Variants in CEP126 observed in about 807,000 individuals in gnomAD.
The protein encoded by CEP126 is centrosomal protein 126.
A neutral mutation model predicts 107.8 loss-of-function variants in CEP126; 74 were observed. That is an observed-to-expected ratio of 0.69 (90% CI 0.57 to 0.83). The LOEUF (loss-of-function observed/expected upper bound fraction) is 0.83, where lower values mean the gene tolerates loss of function less well. Ranked by LOEUF, CEP126 falls within the 40% of genes least tolerant of loss-of-function variation. CEP126 has a pLI of 0.00. For missense variants in CEP126, 1,237 were observed against 1,281.9 expected (o/e 0.96, Z 0.53); for synonymous variants, 449 against 446.0 (o/e 1.01, Z -0.08).
chr11:101,991,135 A>G (rs1302792545), intron 9 of CEP126, among the ~76,000 whole-genome samples: 2 of 152,106 alleles, frequency 1.3e-5, no homozygotes, highest in Admixed American at 6.5e-5. Context: ...CATGATCATA[A>G]CACTGCACTC....
chr11:101,947,884 A>G, intron 3 of CEP126, 147 bp from the exon 4 acceptor site: 1 of 371,952 alleles, frequency 2.7e-6, no homozygotes, highest in Non-Finnish European at 4.8e-6. Flanking sequence ...GAATGTCAAA[A>G]TTTAAAGTAT....
At chr11:101,984,877 TCAAAATGTA>T (rs1941298092) in intron 8 of CEP126, among the ~76,000 whole-genome samples, 3 of 152,194 alleles carry the variant, frequency 2.0e-5, no homozygotes, top group Admixed American at 2.0e-4. Flanking sequence ...AACCATCTGG[TCAAAATGTA>T]ACATAATACC....
intron 5 of CEP126, among the ~76,000 whole-genome samples, chr11:101,958,794 T>C (rs562293467): frequency 6.6e-6 from 1 of 152,330 alleles, no homozygotes; most frequent in South Asian, 2.1e-4. Context: ...ATTATGCACA[T>C]TTATGAGATT....
At chr11:101,970,844 C>T (rs970755454) in intron 6 of CEP126, among the ~76,000 whole-genome samples, 28 of 152,058 alleles carry the variant, frequency 1.8e-4, no homozygotes, top group Non-Finnish European at 4.0e-4. Flanking sequence ...TTCTTACGCC[C>T]ATTTTATAGA....
In CEP126 at chr11:101,917,351, C is replaced by T. The variant is rs1940239103; in HGVS notation, c.128+1939C>T. 2.6e-5 allele frequency among the ~76,000 whole-genome samples: 4 copies of T among 151,868 alleles called. No homozygotes were observed. In the South Asian group the frequency reaches 6.2e-4, roughly 24 times the overall value. Reference sequence around the variant, plus strand: ...ACTAAATGAAAAAAAGGAAAGAAAGCAAATGAAAGGACCACAGCCTTAAAA... The same window carrying T: ...ACTAAATGAAAAAAAGGAAAGAAAGTAAATGAAAGGACCACAGCCTTAAAA... On this transcript the variant is annotated intron_variant, in intron 1 of 10. Transcript: ENST00000263468.
intron 6 of CEP126, among the ~76,000 whole-genome samples, chr11:101,977,888 C>T (rs913730253): frequency 6.6e-6 from 1 of 152,094 alleles, no homozygotes; most frequent in African/African-American, 2.4e-5. Flanking sequence ...CAACCTCTCA[C>T]GCTTGGAATT....
At chr11:101,984,883 T>C (rs1162937203) in intron 8 of CEP126, among the ~76,000 whole-genome samples, 1 of 152,198 alleles carries the variant, frequency 6.6e-6, no homozygotes, top group Non-Finnish European at 1.5e-5. Flanking sequence ...CTGGTCAAAA[T>C]GTAACATAAT....
chr11:101,929,667 C>T (rs1382971510), intron 2 of CEP126, among the ~76,000 whole-genome samples: 2 of 152,126 alleles, frequency 1.3e-5, no homozygotes, highest in African/African-American at 2.4e-5. Flanking sequence ...TCCAGACTCA[C>T]GACATAGTCT....
At chr11:101,955,674 T>A (rs1940876432) in intron 4 of CEP126, 1 of 357,746 alleles carries the variant, frequency 2.8e-6, no homozygotes, top group African/African-American at 2.1e-5. Flanking sequence ...ACATGGACCC[T>A]ATGGACAAGA....
At chr11:101,972,773 C>G (rs1401996258) in intron 6 of CEP126, among the ~76,000 whole-genome samples, 1 of 152,154 alleles carries the variant, frequency 6.6e-6, no homozygotes, top group African/African-American at 2.4e-5. Flanking sequence ...TGCACTCCAG[C>G]CTGGGCGACA....
chr11:101,970,431 G>A (rs912713152), intron 6 of CEP126, among the ~76,000 whole-genome samples: 3 of 152,114 alleles, frequency 2.0e-5, no homozygotes, highest in African/African-American at 7.2e-5. Context: ...AATGAGGGGA[G>A]CATTTTTGGT....
At chr11:101,938,176 A>C (rs1350454840) in intron 2 of CEP126, among the ~76,000 whole-genome samples, 3 of 132,648 alleles carry the variant, frequency 2.3e-5, no homozygotes, top group Non-Finnish European at 4.9e-5. Context: ...AAAAAAAAAA[A>C]TACAAGAAAT....
intron 3 of CEP126, among the ~76,000 whole-genome samples, chr11:101,946,168 G>C (rs1192180414): frequency 6.6e-6 from 1 of 151,500 alleles, no homozygotes; most frequent in Non-Finnish European, 1.5e-5. Context: ...ATGGAGTCTT[G>C]CTCTTCTTCG....
At chr11:101,987,567 A>G (rs1322524845) in intron 9 of CEP126, among the ~76,000 whole-genome samples, 4 of 152,030 alleles carry the variant, frequency 2.6e-5, no homozygotes, top group African/African-American at 9.7e-5. Flanking sequence ...GAGTAGTCTC[A>G]CAGAAGATCT....
chr11:101,958,362 T>C lies in CEP126; in HGVS notation c.701T>C (p.Leu234Ser), dbSNP rs926702592. 3 of 1,612,344 alleles carry C rather than the reference T, an allele frequency of 1.9e-6. No homozygotes were observed. The African/African-American group carries it at 4.0e-5, about 22-fold the overall frequency. Residue 234 changes from leucine (L) to serine (S), a missense_variant, in exon 5 of 11, where the codon TTG (leucine) becomes TCG (serine). This residue lies in a region of CEP126 where 1,134 missense variants were observed against 1,150.5 expected (regional missense o/e 0.99). Transcript: ENST00000263468. Reference sequence around the variant, plus strand: ...CTCGAAGATCAACATCTAAGCAATTTGCAAGTATGAAACTATAAAAATGTT... The same window carrying C: ...CTCGAAGATCAACATCTAAGCAATTCGCAAGTATGAAACTATAAAAATGTT... ...KLLEDQHLSN[L>S]QKFCDEVNQI... is the part of the protein sequence containing the mutation.
At chr11:101,994,923 A>G (rs899673736) in intron 10 of CEP126, among the ~76,000 whole-genome samples, 8 of 150,938 alleles carry the variant, frequency 5.3e-5, no homozygotes, top group African/African-American at 2.0e-4. Flanking sequence ...TGTGCAGAAC[A>G]TGCAGGTTTG....
intron 3 of CEP126, 108 bp downstream of exon 3, chr11:101,944,518 G>T (rs1271775752): frequency 1.9e-6 from 2 of 1,037,384 alleles, no homozygotes; most frequent in East Asian, 5.8e-5. Context: ...AAACTAAAAA[G>T]ACCAATATGA....
At position 101,915,336 on chromosome 11, in the gene CEP126, G is replaced by A; in HGVS notation, c.52G>A (p.Glu18Lys). 6.2e-7 allele frequency: 1 copy of A among 1,613,984 alleles called. No homozygotes were observed. Among genetic ancestry groups the A allele is most frequent in the Non-Finnish European group, 8.5e-7 (1 of 1,179,994 alleles). The change falls in exon 1 of 11, where the codon GAA becomes AAA. Residue 18 changes from glutamate to lysine, a missense_variant. Physicochemically the swap from Glu to Lys is moderately conservative, Grantham distance 56 (BLOSUM62 1). This residue lies in a region of CEP126 where 1,134 missense variants were observed against 1,150.5 expected (regional missense o/e 0.99). Coordinates refer to ENST00000263468, the MANE Select transcript of CEP126 (RefSeq NM_020802.4). Reference sequence around the variant, plus strand: ...GAGCGCGGTCGGGGAACTGGGCACTGAATCATCGGACAACCTCGACAGAGC... The same window carrying A: ...GAGCGCGGTCGGGGAACTGGGCACTAAATCATCGGACAACCTCGACAGAGC... The part of the protein sequence containing the change: ...TRSAVGELGT[E>K]SSDNLDRAPL...
rs374313602 is a variant in CEP126, at chr11:101,917,994, C to T, written c.128+2582C>T. ...AATGCCTCTGCCAGGTCTCTGTCAC[C>T]TTCCATCACACTCGATAGACTGTCT... On this transcript the variant is annotated intron_variant, in intron 1 of 10. Coordinates refer to ENST00000263468, the MANE Select transcript of CEP126 (RefSeq NM_020802.4). 2.6e-5 allele frequency among the ~76,000 whole-genome samples: 4 copies of T among 152,276 alleles called. No homozygotes were observed. In the East Asian group the frequency reaches 7.7e-4, roughly 29 times the overall value.
Sources: gnomAD v4.1 joint callset for allele counts (sites outside exome capture counted in the v4.1 genomes callset) on GRCh38, gnomAD v4.1.1 for gene constraint, gnomAD v4.1.1 regional missense constraint, MANE v1.5 for transcripts, NCBI Gene and HGNC (gene_info 2026-07-23, HGNC 2026-07-21) for gene names.